LYST: variants seen among roughly 807,000 people sequenced by gnomAD.
LYST encodes lysosomal trafficking regulator, also known as lysosomal-trafficking regulator.
Under a neutral mutation model 413.6 loss-of-function variants are expected in LYST, and 192 were observed. The observed-to-expected ratio is 0.46, with a 90% CI of 0.41 to 0.52. LYST has a LOEUF of 0.52. Among genes scored for constraint, LYST ranks in the 20% least tolerant of loss-of-function variants. The pLI, the probability that LYST is intolerant of heterozygous loss-of-function variation, is 0.00. For synonymous variants in LYST, 1,525 were observed against 1,567.3 expected, an observed-to-expected ratio of 0.97 and a Z score of 0.64; for missense variants, 3,815 against 4,499.9, an observed-to-expected ratio of 0.85 and a Z score of 4.35.
chr1:235,787,168 A>G, intron 14 of LYST, 32 bp downstream of exon 14: 1 of 1,540,532 alleles, frequency 6.5e-7, no homozygotes, highest in Non-Finnish European at 9.0e-7. Flanking sequence ...TGTAACTGAG[A>G]TTGAGATGCA....
intron 20 of LYST, among the ~76,000 whole-genome samples, chr1:235,768,276 T>A (rs1668334937): frequency 6.6e-6 from 1 of 152,048 alleles, no homozygotes. Context: ...CTCCTGAAGC[T>A]CCATTTAAAA....
At position 235,686,187 on chromosome 1, in the gene LYST, C is replaced by T. The variant is rs1660206903; in HGVS notation, c.10800+762G>A. On this transcript the variant is annotated intron_variant, in intron 48 of 52. Transcript: ENST00000389793. The surrounding 1 kb of genome is among the most constrained non-coding windows in gnomAD (Gnocchi z 4.0). ...TTCGAGACCAGCCTGGCCAACATGG[C>T]AAAACCCCATCTCTACTAAAACTAC... Among the ~76,000 whole-genome samples, 1 of 151,944 alleles carries T rather than the reference C, an allele frequency of 6.6e-6. No homozygotes were observed. Among genetic ancestry groups the T allele is most frequent in the Non-Finnish European group, 1.5e-5 (1 of 67,970 alleles).
chr1:235,862,896 G>A (rs909198240), intron 1 of LYST, among the ~76,000 whole-genome samples: 3 of 151,030 alleles, frequency 2.0e-5, no homozygotes, highest in African/African-American at 4.9e-5. Context: ...ACTTCTGCTC[G>A]GCTCATGAGA....
upstream of LYST, among the ~76,000 whole-genome samples, chr1:235,867,421 C>T (rs1680685303): frequency 6.6e-6 from 1 of 152,224 alleles, no homozygotes; most frequent in Non-Finnish European, 1.5e-5. Context: ...CACCCCTAGC[C>T]TTCCTCTGGG....
chr1:235,840,709 G>A (rs1677108630), intron 1 of LYST, among the ~76,000 whole-genome samples: 1 of 152,122 alleles, frequency 6.6e-6, no homozygotes, highest in Admixed American at 6.5e-5. Context: ...GAACACATAG[G>A]TCATTCTAGT....
chr1:235,741,462 T>C lies in LYST; in HGVS notation c.8318A>G (p.His2773Arg), dbSNP rs988412993. 3 of 1,614,050 alleles carry C rather than the reference T, an allele frequency of 1.9e-6. No individual in the cohort carries two copies. The African/African-American group carries it at 4.0e-5, about 22-fold the overall frequency. ...GAGACAGTCTCGTAGTATTTCCTGA[T>C]GATTTGGTTCATGAACTATTTCAAA... ...QIFEIVHEPN[H>R]QEILRDCLSP... The change falls in exon 31 of 53, where the codon CAT (histidine) becomes CGT (arginine). Residue 2773 changes from histidine to arginine, a missense_variant. Around this residue, in one of 4 missense-constraint regions of LYST, gnomAD observed 771 missense variants for 837.1 expected, o/e 0.92. Transcript: ENST00000389793.
chr1:235,691,431 T>C (rs1660644255), intron 47 of LYST, among the ~76,000 whole-genome samples: 1 of 152,204 alleles, frequency 6.6e-6, no homozygotes, highest in Admixed American at 6.5e-5. Flanking sequence ...CTTTCTACTA[T>C]ACATGATGTC....
chr1:235,863,346 C>G (rs1334990919), intron 1 of LYST, among the ~76,000 whole-genome samples: 1 of 151,864 alleles, frequency 6.6e-6, no homozygotes, highest in Non-Finnish European at 1.5e-5. Flanking sequence ...GAACCAAGAT[C>G]TCGCCTCTAC....
intron 25 of LYST, among the ~76,000 whole-genome samples, chr1:235,753,512 AT>A (rs1023078678): frequency 1.1e-4 from 17 of 152,260 alleles, no homozygotes; most frequent in African/African-American, 4.1e-4. Flanking sequence ...TATGCATACA[AT>A]TTCTTGGTTT....
At chr1:235,802,208 A>C (rs971632316) in intron 8 of LYST, among the ~76,000 whole-genome samples, 21 of 150,712 alleles carry the variant, frequency 1.4e-4, no homozygotes, top group Admixed American at 2.0e-4. Flanking sequence ...AAAAAAAAAA[A>C]AAAAAAAAAA....
Position 235,759,081 on chromosome 1 carries a change from C to T in LYST, c.6772G>A (p.Ala2258Thr). 1.2e-6 allele frequency: 2 copies of T among 1,614,198 alleles called. No homozygotes were observed. Among genetic ancestry groups the T allele is most frequent in the Non-Finnish European group, 1.7e-6 (2 of 1,180,032 alleles). The part of the protein sequence containing the change: ...LAFPSQNGSA[A>T]VGRWPSLVDR... ...ACAAGACTTGGCCAACGGCCAACAG[C>T]TGCAGATCCGTTCTGTGAAGGAAAA... Residue 2258 changes from alanine to threonine, a missense_variant, in exon 23 of 53, where the codon GCT (alanine) becomes ACT (threonine). This residue lies in a region of LYST where 771 missense variants were observed against 837.1 expected (regional missense o/e 0.92). Transcript: ENST00000389793.
At chr1:235,775,957 A>G (rs1039648883) in intron 17 of LYST, among the ~76,000 whole-genome samples, 3 of 152,132 alleles carry the variant, frequency 2.0e-5, no homozygotes, top group African/African-American at 7.2e-5. Flanking sequence ...CATACTTTAA[A>G]AGTCTTATTG....
At chr1:235,825,012 C>A (rs1675178653) in intron 3 of LYST, among the ~76,000 whole-genome samples, 1 of 151,920 alleles carries the variant, frequency 6.6e-6, no homozygotes, top group South Asian at 2.1e-4. Flanking sequence ...AGAGTTGAGA[C>A]TCTGTCTCAA....
intron 32 of LYST, 152 bp downstream of exon 32, chr1:235,734,331 A>T: frequency 1.5e-6 from 1 of 688,918 alleles, no homozygotes; most frequent in Non-Finnish European, 2.5e-6. Context: ...TTTCTCACAT[A>T]GACAAAAGCA....
intron 3 of LYST, among the ~76,000 whole-genome samples, chr1:235,824,089 A>C (rs1398616432): frequency 1.3e-5 from 2 of 152,234 alleles, no homozygotes; most frequent in African/African-American, 2.4e-5. Flanking sequence ...TGAAGTGATA[A>C]TACTACAAAA....
intron 20 of LYST, 29 bp downstream of exon 20, chr1:235,770,131 T>G: frequency 1.2e-6 from 2 of 1,609,732 alleles, no homozygotes; most frequent in Non-Finnish European, 1.7e-6. Context: ...TGGAATATAT[T>G]TCCAAAAGTA....
intron 34 of LYST, among the ~76,000 whole-genome samples, chr1:235,732,091 T>A (rs1664433369): frequency 6.6e-6 from 1 of 152,042 alleles, no homozygotes; most frequent in African/African-American, 2.4e-5. Flanking sequence ...GTGCATCTGT[T>A]TTTAATTTGT....
chr1:235,664,657 T>G lies in LYST; in HGVS notation c.11039-36A>C. 1 of 1,612,810 alleles carries G rather than the reference T, an allele frequency of 6.2e-7. No homozygotes were observed. The stretch of plus-strand genomic sequence containing the variant: ...CAAATCATCCGGCGGGTTACCAGAA[T>G]GTGGCTGTCTCAGAGCCCACATTTG... On this transcript the variant is annotated intron_variant, in intron 50 of 52. Transcript: ENST00000389793. The surrounding 1 kb of genome is among the most constrained non-coding windows in gnomAD (Gnocchi z 4.5).
chr1:235,826,782 A>T (rs1348712541), intron 3 of LYST, among the ~76,000 whole-genome samples: 1 of 152,134 alleles, frequency 6.6e-6, no homozygotes, highest in African/African-American at 2.4e-5. Context: ...CCCAGGCTCA[A>T]GCAATCCTCT....
Sources: gnomAD v4.1 joint callset for allele counts (sites outside exome capture counted in the v4.1 genomes callset) on GRCh38, gnomAD v4.1.1 for gene constraint, gnomAD v4.1.1 regional missense constraint, Gnocchi (gnomAD v3.1) non-coding constraint, MANE v1.5 for transcripts, NCBI Gene and HGNC (gene_info 2026-07-23, HGNC 2026-07-21) for gene names.